PTPRD: variants seen among roughly 807,000 people sequenced by gnomAD.
PTPRD encodes protein tyrosine phosphatase receptor type D, also known as receptor-type tyrosine-protein phosphatase delta.
PTPRD carries 34 observed loss-of-function variants against 214.5 expected under a neutral mutation model. The observed-to-expected ratio is 0.16, with a 90% CI of 0.12 to 0.21. The LOEUF is 0.21. Ranked by LOEUF, PTPRD falls within the 10% of genes least tolerant of loss-of-function variation. The probability of loss-of-function intolerance (pLI) is 1.00; values close to 1 mark genes in which losing one functional copy is unlikely to be tolerated. For synonymous variants in PTPRD, 1,128 were observed against 845.7 expected, an observed-to-expected ratio of 1.33 and a Z score of -5.79; for missense variants, 2,545 against 2,398.7, an observed-to-expected ratio of 1.06 and a Z score of -1.27.
chr9:9,928,236 T>C (rs934081162), intron 5 of PTPRD, among the ~76,000 whole-genome samples: 2 of 152,188 alleles, frequency 1.3e-5, no homozygotes, highest in African/African-American at 2.4e-5. Context: ...TAATATTACA[T>C]GGTTAGAATT....
intron 3 of PTPRD, among the ~76,000 whole-genome samples, chr9:10,192,400 G>A (rs2154322309): frequency 7.5e-6 from 1 of 133,060 alleles, no homozygotes; most frequent in African/African-American, 2.8e-5. Flanking sequence ...ACCCAAATGA[G>A]TATCACTGGG....
At chr9:8,990,488 G>C (rs1327370522) in intron 11 of PTPRD, among the ~76,000 whole-genome samples, 1 of 152,124 alleles carries the variant, frequency 6.6e-6, no homozygotes, top group African/African-American at 2.4e-5. Flanking sequence ...AGCCTCAGAA[G>C]TGGCCTCAGA....
chr9:9,984,842 G>T (rs1374218307), intron 4 of PTPRD, among the ~76,000 whole-genome samples: 3 of 152,036 alleles, frequency 2.0e-5, no homozygotes, highest in African/African-American at 7.2e-5. Flanking sequence ...CTGGGAGCAT[G>T]GCTGGGCAAG....
chr9:10,304,953 C>G (rs1278433489), intron 3 of PTPRD, among the ~76,000 whole-genome samples: 3 of 152,130 alleles, frequency 2.0e-5, no homozygotes, highest in African/African-American at 7.2e-5. Context: ...ATTGCCGAGA[C>G]AATCCTAAGC....
At chr9:10,540,783 C>A (rs1337643717) in intron 2 of PTPRD, among the ~76,000 whole-genome samples, 1 of 152,110 alleles carries the variant, frequency 6.6e-6, no homozygotes, top group Non-Finnish European at 1.5e-5. Context: ...TTACAAGTAA[C>A]ATGAAGTGGT....
intron 10 of PTPRD, among the ~76,000 whole-genome samples, chr9:9,125,183 C>T (rs1273625143): frequency 6.6e-6 from 1 of 152,194 alleles, no homozygotes; most frequent in Non-Finnish European, 1.5e-5. Flanking sequence ...GCAGAACTGG[C>T]TCCTTACTTA....
intron 2 of PTPRD, among the ~76,000 whole-genome samples, chr9:10,384,652 T>TA (rs1209495041): frequency 6.6e-6 from 1 of 151,380 alleles, no homozygotes; most frequent in Non-Finnish European, 1.5e-5. Context: ...GAATTAGTTT[T>TA]AAAAAATTGT....
chr9:9,979,915 C>T (rs2095482418), intron 4 of PTPRD, among the ~76,000 whole-genome samples: 1 of 152,104 alleles, frequency 6.6e-6, no homozygotes, highest in African/African-American at 2.4e-5. Context: ...GATAAATTGT[C>T]TTGAAAAAAT....
chr9:9,940,918 C>G (rs992063256), intron 4 of PTPRD, among the ~76,000 whole-genome samples: 5 of 151,992 alleles, frequency 3.3e-5, no homozygotes, highest in Non-Finnish European at 5.9e-5. Flanking sequence ...GTGACCATTC[C>G]CTTCTTGTTC....
At chr9:10,067,731 G>C (rs766995928) in intron 3 of PTPRD, among the ~76,000 whole-genome samples, 1 of 151,790 alleles carries the variant, frequency 6.6e-6, no homozygotes. Context: ...TTACTCTAAA[G>C]ACCATGCTTT....
intron 10 of PTPRD, among the ~76,000 whole-genome samples, chr9:9,173,890 C>T (rs937778331): frequency 1.2e-4 from 18 of 152,104 alleles, no homozygotes; most frequent in Admixed American, 5.9e-4. Context: ...CCAATATCTG[C>T]AGTGTCTGGC....
intron 11 of PTPRD, among the ~76,000 whole-genome samples, chr9:8,781,262 G>C (rs955218600): frequency 6.6e-6 from 1 of 152,184 alleles, no homozygotes; most frequent in African/African-American, 2.4e-5. Flanking sequence ...AATCTTAAGA[G>C]TCAGGGGGCT....
At chr9:9,654,476 C>T (rs371983227) in intron 7 of PTPRD, among the ~76,000 whole-genome samples, 1 of 152,062 alleles carries the variant, frequency 6.6e-6, no homozygotes, top group African/African-American at 2.4e-5. Flanking sequence ...GAGCACACAA[C>T]CATTCATAAT....
chr9:10,242,087 G>A (rs2091188398), intron 3 of PTPRD, among the ~76,000 whole-genome samples: 1 of 151,856 alleles, frequency 6.6e-6, no homozygotes, highest in Non-Finnish European at 1.5e-5. Flanking sequence ...TATGACCTGT[G>A]AAGAGGAAAA....
chr9:9,536,610 C>T (rs982240321), intron 8 of PTPRD, among the ~76,000 whole-genome samples: 1 of 152,020 alleles, frequency 6.6e-6, no homozygotes, highest in Non-Finnish European at 1.5e-5. Flanking sequence ...CCTTTGCCCA[C>T]GTCCACAGCC....
chr9:8,892,557 G>GTATATATGTGTGTA (rs1476805976), intron 11 of PTPRD, among the ~76,000 whole-genome samples: 1 of 147,576 alleles, frequency 6.8e-6, no homozygotes, highest in African/African-American at 2.5e-5. Flanking sequence ...ATATATGTGT[G>GTATATATGTGTGTA]TATATATGTG....
chr9:9,903,278 T>G (rs1324196925), intron 5 of PTPRD, among the ~76,000 whole-genome samples: 2 of 152,106 alleles, frequency 1.3e-5, no homozygotes, highest in East Asian at 3.9e-4. Context: ...TAATATTGTA[T>G]GTGATGAAGA....
chr9:9,480,196 A>C (rs1473522594), intron 8 of PTPRD, among the ~76,000 whole-genome samples: 2 of 152,180 alleles, frequency 1.3e-5, no homozygotes, highest in Non-Finnish European at 2.9e-5. Context: ...TAAAATGTGA[A>C]TAATTCCACT....
At chr9:8,902,371 C>G (rs2098676761) in intron 11 of PTPRD, among the ~76,000 whole-genome samples, 1 of 137,136 alleles carries the variant, frequency 7.3e-6, no homozygotes, top group Admixed American at 7.7e-5. Flanking sequence ...GAGACTGAGT[C>G]TTACTCTGTT....
Sources: gnomAD v4.1 joint callset for allele counts (sites outside exome capture counted in the v4.1 genomes callset) on GRCh38, gnomAD v4.1.1 for gene constraint, MANE v1.5 for transcripts, NCBI Gene and HGNC (gene_info 2026-07-23, HGNC 2026-07-21) for gene names.